Variants in RGL1 observed in about 807,000 individuals in gnomAD.
RGL1 encodes the protein ral guanine nucleotide dissociation stimulator like 1, also known as ral guanine nucleotide dissociation stimulator-like 1.
Under a neutral mutation model 95.2 loss-of-function variants are expected in RGL1, and 24 were observed. The observed-to-expected ratio is 0.25, with a 90% CI of 0.18 to 0.35. RGL1 has a LOEUF of 0.35. Ranked by LOEUF, RGL1 falls within the 10% of genes least tolerant of loss-of-function variation. RGL1 has a pLI of 1.00. For synonymous variants in RGL1, 329 were observed against 344.9 expected (o/e 0.95, Z 0.51); for missense variants, 715 against 936.3 (o/e 0.76, Z 3.08).
At chr1:183,900,358 T>A in intron 11 of RGL1, 122 bp downstream of exon 11, 1 of 682,510 alleles carries the variant, frequency 1.5e-6, no homozygotes, top group Non-Finnish European at 2.6e-6. Flanking sequence ...TGCTAGCTGT[T>A]AGGAGGAATA....
intron 1 of RGL1, among the ~76,000 whole-genome samples, chr1:183,729,039 G>A (rs192709457): frequency 5.3e-5 from 8 of 152,106 alleles, no homozygotes; most frequent in Admixed American, 3.9e-4. Context: ...TAACCTTCAC[G>A]TAGGCAAAGA....
intron 1 of RGL1, among the ~76,000 whole-genome samples, chr1:183,737,685 T>A (rs771343985): frequency 1.1e-4 from 16 of 152,234 alleles, no homozygotes; most frequent in Admixed American, 2.0e-4. Context: ...TTCCCTGTTT[T>A]AATTTTATTT....
At chr1:183,743,926 T>C (rs534820572) in intron 2 of RGL1, among the ~76,000 whole-genome samples, 32 of 152,268 alleles carry the variant, frequency 2.1e-4, no homozygotes, top group African/African-American at 7.0e-4. Flanking sequence ...GGTGAGAAGT[T>C]TGGAGGACTA....
chr1:183,676,068 G>T (rs1289233185), intron 1 of RGL1, among the ~76,000 whole-genome samples: 1 of 152,110 alleles, frequency 6.6e-6, no homozygotes, highest in Non-Finnish European at 1.5e-5. Context: ...GATGGCTTGA[G>T]CCCAGAAGGT....
rs74133034 is a variant in RGL1, at chr1:183,919,696, C to G, written c.2005-2526C>G. Among the ~76,000 whole-genome samples, 1,118 of 152,342 alleles carry G rather than the reference C, an allele frequency of 7.3e-3. 16 individuals carry two copies. Among genetic ancestry groups the G allele is most frequent in the African/African-American group, 0.026 (1,077 of 41,582 alleles). On this transcript the variant is annotated intron_variant, in intron 16 of 17. Transcript: ENST00000360851. ...ATGTCTTCTACCACTGAACCCATCA[C>G]TCTTTCGAAATGATCTTTCTCTCCA...
chr1:183,867,658 T>G (rs1342095741), intron 4 of RGL1, among the ~76,000 whole-genome samples: 3 of 151,694 alleles, frequency 2.0e-5, no homozygotes, highest in Non-Finnish European at 4.4e-5. Flanking sequence ...TTTTAAAAGA[T>G]GGAAGATATT....
At chr1:183,766,300 A>G (rs764952384) in intron 2 of RGL1, among the ~76,000 whole-genome samples, 3 of 152,072 alleles carry the variant, frequency 2.0e-5, no homozygotes, top group Non-Finnish European at 4.4e-5. Context: ...AGGCCCAACA[A>G]TGATAAGGTT....
chr1:183,878,283 A>G (rs959210856), intron 4 of RGL1, among the ~76,000 whole-genome samples: 3 of 151,852 alleles, frequency 2.0e-5, no homozygotes, highest in South Asian at 2.1e-4. Flanking sequence ...TGCAGCCTCT[A>G]TCTCTTGGGT....
intron 4 of RGL1, among the ~76,000 whole-genome samples, chr1:183,866,315 C>T (rs141287076): frequency 5.9e-5 from 9 of 152,054 alleles, no homozygotes; most frequent in Admixed American, 1.3e-4. Context: ...AGAAAACAAA[C>T]GAACAAAATA....
chr1:183,691,822 A>G (rs1354435803), intron 1 of RGL1, among the ~76,000 whole-genome samples: 1 of 152,134 alleles, frequency 6.6e-6, no homozygotes, highest in African/African-American at 2.4e-5. Flanking sequence ...AACTAATGTT[A>G]ATTTAATAAT....
intron 1 of RGL1, among the ~76,000 whole-genome samples, chr1:183,680,536 A>G (rs1200083675): frequency 6.6e-6 from 1 of 151,830 alleles, no homozygotes; most frequent in Non-Finnish European, 1.5e-5. Context: ...ATTGGTCTAT[A>G]TATCTGTTTT....
chr1:183,682,816 G>C (rs544698486), intron 1 of RGL1, among the ~76,000 whole-genome samples: 108 of 152,176 alleles, frequency 7.1e-4, no homozygotes, highest in Middle Eastern at 3.4e-3. Context: ...TTCTTTTGTA[G>C]GTCTCTGGTA....
chr1:183,863,814 A>C (rs920694232), intron 3 of RGL1, among the ~76,000 whole-genome samples: 3 of 152,144 alleles, frequency 2.0e-5, no homozygotes, highest in Non-Finnish European at 4.4e-5. Flanking sequence ...ATTGGTGTCC[A>C]AGTTATTATC....
upstream of RGL1, among the ~76,000 whole-genome samples, chr1:183,804,135 G>T (rs1233150271): frequency 6.6e-6 from 1 of 151,732 alleles, no homozygotes; most frequent in Non-Finnish European, 1.5e-5. Flanking sequence ...GTCAGCTCAT[G>T]ATATATTTAC....
intron 1 of RGL1, among the ~76,000 whole-genome samples, chr1:183,678,156 A>G (rs1652959266): frequency 6.6e-6 from 1 of 152,086 alleles, no homozygotes; most frequent in Non-Finnish European, 1.5e-5. Context: ...AAACATCTAT[A>G]ATGTCTATTT....
At chr1:183,815,104 T>G (rs562672093) in intron 2 of RGL1, among the ~76,000 whole-genome samples, 116 of 152,156 alleles carry the variant, frequency 7.6e-4, no homozygotes, top group Non-Finnish European at 1.4e-3. Context: ...AAAACCCACG[T>G]CTCTACTAAA....
chr1:183,714,435 C>A (rs1486096623), intron 1 of RGL1, among the ~76,000 whole-genome samples: 5 of 152,136 alleles, frequency 3.3e-5, no homozygotes, highest in Non-Finnish European at 7.3e-5. Flanking sequence ...CACAGAAACA[C>A]CCAATGCCAC....
chr1:183,690,034 CAT>C (rs2102108008), intron 1 of RGL1, among the ~76,000 whole-genome samples: 1 of 152,252 alleles, frequency 6.6e-6, no homozygotes, highest in African/African-American at 2.4e-5. Context: ...TAGAAACCCA[CAT>C]GAGTTGAAGG....
chr1:183,891,516 C>T (rs1309096482), intron 8 of RGL1, among the ~76,000 whole-genome samples: 1 of 152,158 alleles, frequency 6.6e-6, no homozygotes, highest in Non-Finnish European at 1.5e-5. Context: ...TTGGAACTCA[C>T]CACCCCTGGT....
Sources: allele counts gnomAD v4.1 joint callset (sites outside exome capture counted in the v4.1 genomes callset), GRCh38; gene constraint gnomAD v4.1.1; transcripts MANE v1.5; gene names NCBI Gene and HGNC (gene_info 2026-07-23, HGNC 2026-07-21).